Variants in POMC observed in about 807,000 individuals in gnomAD.
The protein encoded by POMC is proopiomelanocortin, also known as pro-opiomelanocortin.
In POMC, 19 loss-of-function variants were observed where a neutral mutation model predicts 18.5. The observed-to-expected ratio is 1.03, with a 90% CI of 0.72 to 1.51. POMC has a LOEUF of 1.51. Ranked by LOEUF, POMC falls within the 40% of genes most tolerant of loss-of-function variation. The pLI, the probability that POMC is intolerant of heterozygous loss-of-function variation, is 0.00. For synonymous variants in POMC, 179 were observed against 161.9 expected (o/e 1.11, Z -0.80); for missense variants, 451 against 379.0 (o/e 1.19, Z -1.58).
chr2:25,167,345 C>G (rs759120277), intron 1 of POMC, among the ~76,000 whole-genome samples: 1 of 152,250 alleles, frequency 6.6e-6, no homozygotes, highest in South Asian at 2.1e-4. Context: ...TAAGAACCCT[C>G]CCTGCCCCAT....
intron 1 of POMC, among the ~76,000 whole-genome samples, chr2:25,167,891 C>T (rs559874585): frequency 1.2e-3 from 189 of 152,230 alleles, no homozygotes; most frequent in African/African-American, 4.2e-3. Context: ...CGGTGGCTCG[C>T]GCCTGTAATG....
chr2:25,166,173 GTGCTAGCTTCTGAA>G (rs1671546855), intron 1 of POMC, among the ~76,000 whole-genome samples: 2 of 152,192 alleles, frequency 1.3e-5, no homozygotes, highest in Non-Finnish European at 2.9e-5. Flanking sequence ...GGCCTGCACG[GTGCTAGCTTCTGAA>G]GGGTTGCCGG....
Position 25,161,398 on chromosome 2 carries a change from C to T in POMC, c.487G>A (p.Gly163Ser). ...GCCTCGGCCGACTCGTCCTCGGCGCCGTTAGGGTACACCTTCACTGGGCGC... is the reference window on the plus strand; with the variant it reads ...GCCTCGGCCGACTCGTCCTCGGCGCTGTTAGGGTACACCTTCACTGGGCGC... ...KRRPVKVYPNGAEDESAEAFP... is the reference protein window; with the variant it reads ...KRRPVKVYPNSAEDESAEAFP... Residue 163 changes from glycine (G) to serine (S), a missense_variant, in exon 3 of 3, where the codon GGC (glycine) becomes AGC (serine). By Grantham distance (56) the Gly-to-Ser change is moderately conservative (BLOSUM62 0). Coordinates refer to ENST00000395826, the MANE Select transcript of POMC (RefSeq NM_000939.4). This position sits in a 1 kb window ranked among gnomAD's most constrained non-coding sequence, Gnocchi z 5.7. The T allele has an allele frequency of 6.2e-7, 1 of 1,609,326 alleles. No homozygotes were observed. The highest frequency in any genetic ancestry group is 1.1e-5 in the South Asian group (1 of 90,152).
At chr2:25,164,005 G>A (rs1412791322) in intron 2 of POMC, among the ~76,000 whole-genome samples, 3 of 151,980 alleles carry the variant, frequency 2.0e-5, no homozygotes, top group Non-Finnish European at 4.4e-5. Flanking sequence ...ACCCCCCACA[G>A]GCAGATACAT....
At chr2:25,162,092 T>C (rs13404336) in intron 2 of POMC, among the ~76,000 whole-genome samples, 35,363 of 152,100 alleles carry the variant, frequency 0.23, 5,174 homozygotes, top group East Asian at 0.6. Context: ...GTCTTACTGT[T>C]ATATGCCTGA....
At position 25,161,679 on chromosome 2, in the gene POMC, G is replaced by T; in HGVS notation, c.206C>A (p.Pro69His). Reference sequence around the variant, plus strand: ...GTACTTCCGGGGGTTCTCGGTCAGAGGCTGCTCGTCGCCATTTCCCGGGAA... The same window carrying T: ...GTACTTCCGGGGGTTCTCGGTCAGATGCTGCTCGTCGCCATTTCCCGGGAA... ...PMFPGNGDEQ[P>H]LTENPRKYVM... The change falls in exon 3 of 3, where the codon CCT (proline) becomes CAT (histidine). Residue 69 changes from proline (P) to histidine (H), a missense_variant. Pro to His is a moderately conservative substitution (Grantham distance 77). Coordinates refer to ENST00000395826, the MANE Select transcript of POMC (RefSeq NM_000939.4). This position sits in a 1 kb window ranked among gnomAD's most constrained non-coding sequence, Gnocchi z 5.7. The T allele has an allele frequency of 6.4e-7, 1 of 1,571,626 alleles. No homozygotes were observed. Among genetic ancestry groups the T allele is most frequent in the Non-Finnish European group, 8.6e-7 (1 of 1,159,562 alleles).
At chr2:25,164,559 C>A (rs564736300) in intron 2 of POMC, 82 bp downstream of exon 2, 71 of 1,602,308 alleles carry the variant, frequency 4.4e-5, no homozygotes, top group Admixed American at 4.3e-4. Flanking sequence ...ATTTCCCTTT[C>A]CCCACACCCT....
Position 25,161,654 on chromosome 2 carries a change from G to T in POMC, c.231C>A (p.Tyr77Ter). The T allele has an allele frequency of 6.4e-7, 1 of 1,557,580 alleles. No homozygotes were observed. ...GGTCCCAGCGGAAGTGGCCCATGACGTACTTCCGGGGGTTCTCGGTCAGAG... is the reference window on the plus strand; with the variant it reads ...GGTCCCAGCGGAAGTGGCCCATGACTTACTTCCGGGGGTTCTCGGTCAGAG... ...EQPLTENPRKYVMGHFRWDRF... is the reference protein window; with the variant it reads ...EQPLTENPRK Residue 77 changes from tyrosine to a stop codon, truncating the protein, a stop_gained, in exon 3 of 3, where the codon TAC becomes TAA. Coordinates refer to ENST00000395826, the MANE Select transcript of POMC (RefSeq NM_000939.4). LOFTEE classifies it high-confidence loss of function. This position sits in a 1 kb window ranked among gnomAD's most constrained non-coding sequence, Gnocchi z 5.7.
At position 25,168,473 on chromosome 2, in the gene POMC, C is replaced by A. The variant is rs1480565375; in HGVS notation, c.-21+25G>T. The A allele has an allele frequency of 1.1e-4, 17 of 152,190 alleles. No individual in the cohort carries two copies. Among genetic ancestry groups the A allele is most frequent in the Admixed American group, 1.1e-3 (17 of 15,286 alleles). 9.4% of individuals were successfully genotyped at this position (152,190 alleles called of 1,614,324 possible). ...GACAGGGGATCCCGGGGAAAGAGCA[C>A]GGGTCCCCCACGCTGCGCCCTTACC... On this transcript the variant is annotated intron_variant, in intron 1 of 2. Coordinates refer to ENST00000395826, the MANE Select transcript of POMC (RefSeq NM_000939.4). The surrounding 1 kb of genome is among the most constrained non-coding windows in gnomAD (Gnocchi z 5.2).
In POMC at chr2:25,164,323, A is replaced by C. The variant is rs116462506; in HGVS notation, c.132+318T>G. ...GGGAAGCTAAAGATTTAAAGTACAG[A>C]ATAGATTGAGGGGTCCATTATTGCT... On this transcript the variant is annotated intron_variant, in intron 2 of 2. Transcript: ENST00000395826. 7.8e-3 allele frequency among the ~76,000 whole-genome samples: 1,184 copies of C among 152,266 alleles called. 13 individuals carry two copies. The highest frequency in any genetic ancestry group is 0.026 in the African/African-American group (1,068 of 41,548).
At position 25,168,154 on chromosome 2, in the gene POMC, C is replaced by CAAAAAA. The variant is rs376657620; in HGVS notation, c.-21+338_-21+343dup. Among the ~76,000 whole-genome samples the CAAAAAA allele has an allele frequency of 1.6e-3, 194 of 125,050 alleles. No individual in the cohort carries two copies. The highest frequency in any genetic ancestry group is 5.5e-3 in the African/African-American group (187 of 33,862). 82.0% of individuals were successfully genotyped at this position (125,050 alleles called of 152,430 possible). On this transcript the variant is annotated intron_variant, in intron 1 of 2. Transcript: ENST00000395826. This position sits in a 1 kb window ranked among gnomAD's most constrained non-coding sequence, Gnocchi z 5.2. ...GGGCAACAAGAGCGAAACTCCGTCTCAAAAAAAAAAAAAAAGACCGGGTTG... is the reference window on the plus strand; with the variant it reads ...GGGCAACAAGAGCGAAACTCCGTCTCAAAAAAAAAAAAAAAAAAAAAGACCGGGTTG...
At position 25,161,599 on chromosome 2, in the gene POMC, CGCTGCTGCT is replaced by C; in HGVS notation, c.277_285del (p.Ser93_Ser95del). Reference sequence around the variant, plus strand: ...CGCTTCTGCCCTGCGCCGCTGCTGCCGCTGCTGCTGCTGTTGCGGCGGCCGAATCGGTCC... The same window carrying C: ...CGCTTCTGCCCTGCGCCGCTGCTGCCGCTGTTGCGGCGGCCGAATCGGTCC... On this transcript the variant is annotated inframe_deletion, in exon 3 of 3. Transcript: ENST00000395826. This position sits in a 1 kb window ranked among gnomAD's most constrained non-coding sequence, Gnocchi z 5.7. The C allele has an allele frequency of 1.3e-6, 2 of 1,556,836 alleles. No homozygotes were observed. The highest frequency in any genetic ancestry group is 1.7e-6 in the Non-Finnish European group (2 of 1,150,396).
Position 25,161,264 on chromosome 2 carries a change from G to A in POMC, c.621C>T (p.His207=). The A allele has an allele frequency of 6.2e-7, 1 of 1,612,294 alleles. No homozygotes were observed. Among genetic ancestry groups the A allele is most frequent in the Admixed American group, 1.7e-5 (1 of 59,910 alleles). Reference sequence around the variant, plus strand: ...TCTTCTCGGCCGCCACCAGCAGGCTGTGCTCCAGGTCGGCCTGGGCCCCTG... The same window carrying A: ...TCTTCTCGGCCGCCACCAGCAGGCTATGCTCCAGGTCGGCCTGGGCCCCTG... ...DGAGAQADLE[H]SLLVAAEKKD... Residue 207 remains histidine, a synonymous_variant, in exon 3 of 3, where the codon CAC becomes CAT. Coordinates refer to ENST00000395826, the MANE Select transcript of POMC (RefSeq NM_000939.4). The surrounding 1 kb of genome is among the most constrained non-coding windows in gnomAD (Gnocchi z 5.7).
rs548593706 is a variant in POMC, at chr2:25,162,663, C to T, written c.133-911G>A. ...GGTGGAGCTTGCAGTGAGGGGAGAT[C>T]GCGCCACTGCACTCCAGCCTGGGTG... On this transcript the variant is annotated intron_variant, in intron 2 of 2. Transcript: ENST00000395826. Among the ~76,000 whole-genome samples, 51 of 152,070 alleles carry T rather than the reference C, an allele frequency of 3.4e-4. No homozygotes were observed. In the South Asian group the frequency reaches 1.0e-2, roughly 30 times the overall value.
intron 1 of POMC, among the ~76,000 whole-genome samples, chr2:25,166,975 T>C (rs771879254): frequency 2.6e-5 from 4 of 152,210 alleles, no homozygotes; most frequent in Non-Finnish European, 5.9e-5. Context: ...AATCCAAAAA[T>C]GGAAAGCTCT....
intron 2 of POMC, among the ~76,000 whole-genome samples, chr2:25,164,125 T>C (rs1671476172): frequency 6.7e-6 from 1 of 149,804 alleles, no homozygotes; most frequent in Non-Finnish European, 1.5e-5. Flanking sequence ...AGAATAAACA[T>C]GAGACATTTG....
In POMC at chr2:25,161,798, C is replaced by A; in HGVS notation, c.133-46G>T. 1 of 1,540,470 alleles carries A rather than the reference C, an allele frequency of 6.5e-7. No homozygotes were observed. The highest frequency in any genetic ancestry group is 2.0e-5 in the Admixed American group (1 of 50,714). On this transcript the variant is annotated intron_variant, in intron 2 of 2. Transcript: ENST00000395826. The surrounding 1 kb of genome is among the most constrained non-coding windows in gnomAD (Gnocchi z 5.7). ...ATGAGGGCAGCCCGTGCCCCGCACCCCGGCCCGGCTGCCGCGCCCGTCACT... is the reference window on the plus strand; with the variant it reads ...ATGAGGGCAGCCCGTGCCCCGCACCACGGCCCGGCTGCCGCGCCCGTCACT...
Position 25,161,738 on chromosome 2 carries a change from G to A in POMC, c.147C>T (p.Ala49=), listed in dbSNP as rs1404045621. 19 of 1,594,484 alleles carry A rather than the reference G, an allele frequency of 1.2e-5. No homozygotes were observed. Among genetic ancestry groups the A allele is most frequent in the Middle Eastern group, 3.3e-4 (2 of 5,976 alleles). The change falls in exon 3 of 3, where the codon GCC becomes GCT. Residue 49 remains alanine, a synonymous_variant. Transcript: ENST00000395826. The surrounding 1 kb of genome is among the most constrained non-coding windows in gnomAD (Gnocchi z 5.7). ...TCTCGGCCGAGAGGTCGGGCTTGCA[G>A]GCCCGGATGCACTCCTGGGGGAAGA... ...TESNLLECIR[A]CKPDLSAETP...
chr2:25,168,107 T>G lies in POMC; in HGVS notation c.-21+391A>C, dbSNP rs1363810477. On this transcript the variant is annotated intron_variant, in intron 1 of 2. Coordinates refer to ENST00000395826, the MANE Select transcript of POMC (RefSeq NM_000939.4). This position sits in a 1 kb window ranked among gnomAD's most constrained non-coding sequence, Gnocchi z 5.2. Reference sequence around the variant, plus strand: ...AGGCGAAGGTTGCGGTGAGCAGAGATCACCCCTTTGCTCTCCAGCATGGGC... The same window carrying G: ...AGGCGAAGGTTGCGGTGAGCAGAGAGCACCCCTTTGCTCTCCAGCATGGGC... Among the ~76,000 whole-genome samples, 2 of 144,640 alleles carry G rather than the reference T, an allele frequency of 1.4e-5. No homozygotes were observed. Among genetic ancestry groups the G allele is most frequent in the African/African-American group, 5.2e-5 (2 of 38,832 alleles). 94.9% of individuals were successfully genotyped at this position (144,640 alleles called of 152,430 possible).
Sources: allele counts gnomAD v4.1 joint callset (sites outside exome capture counted in the v4.1 genomes callset), GRCh38; gene constraint gnomAD v4.1.1; non-coding constraint Gnocchi (gnomAD v3.1); transcripts MANE v1.5; gene names NCBI Gene and HGNC (gene_info 2026-07-23, HGNC 2026-07-21).